SPON1: variants seen among roughly 807,000 people sequenced by gnomAD.
SPON1 encodes the protein spondin 1.
Under a neutral mutation model 111.7 loss-of-function variants are expected in SPON1, and 52 were observed. The observed-to-expected ratio is 0.47, with a 90% CI of 0.37 to 0.59. SPON1 has a LOEUF of 0.59. Among genes scored for constraint, SPON1 ranks in the 20% least tolerant of loss-of-function variants. The pLI is 0.00. For missense variants in SPON1, 957 were observed against 1,068.5 expected (o/e 0.90, Z 1.46); for synonymous variants, 410 against 395.8 (o/e 1.04, Z -0.43).
chr11:14,161,338 A>C (rs1413094050), intron 6 of SPON1, among the ~76,000 whole-genome samples: 1 of 113,514 alleles, frequency 8.8e-6, no homozygotes, highest in East Asian at 2.4e-4. Context: ...TATATATATA[A>C]GATGGAGTCT....
At chr11:14,074,845 A>G (rs1306807329) in intron 3 of SPON1, among the ~76,000 whole-genome samples, 1 of 152,230 alleles carries the variant, frequency 6.6e-6, no homozygotes, top group Non-Finnish European at 1.5e-5. Context: ...TGTAGGAGAC[A>G]GTTTTGTCTA....
At chr11:14,085,087 T>A (rs578115574) in intron 5 of SPON1, among the ~76,000 whole-genome samples, 1 of 152,330 alleles carries the variant, frequency 6.6e-6, no homozygotes, top group South Asian at 2.1e-4. Context: ...TCTCCCACTC[T>A]GTAGGTTGCC....
intron 5 of SPON1, among the ~76,000 whole-genome samples, chr11:14,106,680 G>GTA (rs1279285998): frequency 6.6e-6 from 1 of 152,160 alleles, no homozygotes; most frequent in African/African-American, 2.4e-5. Context: ...ACGACAAAGG[G>GTA]TATAGGAAAT....
At chr11:14,044,059 A>G (rs1848650943) in intron 3 of SPON1, among the ~76,000 whole-genome samples, 1 of 152,170 alleles carries the variant, frequency 6.6e-6, no homozygotes, top group Admixed American at 6.5e-5. Flanking sequence ...AACGACTCCC[A>G]TTTTACAGAG....
At chr11:14,050,665 A>AG (rs1455034396) in intron 3 of SPON1, among the ~76,000 whole-genome samples, 1 of 150,120 alleles carries the variant, frequency 6.7e-6, no homozygotes, top group Non-Finnish European at 1.5e-5. Flanking sequence ...TCAAGAGTGA[A>AG]GGGTGGGGGT....
chr11:13,996,735 C>A (rs1163390038), intron 2 of SPON1, among the ~76,000 whole-genome samples: 2 of 147,826 alleles, frequency 1.4e-5, no homozygotes, highest in African/African-American at 2.6e-5. Context: ...ACACACACAC[C>A]TATATATATA....
At chr11:14,060,800 A>G (rs1848785748) in intron 3 of SPON1, among the ~76,000 whole-genome samples, 1 of 152,236 alleles carries the variant, frequency 6.6e-6, no homozygotes, top group Non-Finnish European at 1.5e-5. Flanking sequence ...GGTTGGTGAT[A>G]AAACCAAGGC....
intron 6 of SPON1, among the ~76,000 whole-genome samples, chr11:14,195,837 T>C (rs1297092759): frequency 7.9e-5 from 12 of 152,138 alleles, no homozygotes; most frequent in African/African-American, 2.9e-4. Flanking sequence ...ATTGTCATGA[T>C]TAGCTATGTA....
At chr11:14,165,089 G>C (rs1393714611) in intron 6 of SPON1, among the ~76,000 whole-genome samples, 1 of 152,116 alleles carries the variant, frequency 6.6e-6, no homozygotes, top group African/African-American at 2.4e-5. Flanking sequence ...TAGTCCCCAG[G>C]CAAGAAGGAG....
At chr11:14,264,736 G>A (rs181420812) in intron 15 of SPON1, among the ~76,000 whole-genome samples, 7 of 152,306 alleles carry the variant, frequency 4.6e-5, no homozygotes, top group Non-Finnish European at 7.4e-5. Context: ...CATAAATGTG[G>A]TGGGTTCTAT....
rs1849078846 is a variant in SPON1, at chr11:14,093,933, C to G, written c.676+13912C>G. ...TGCAATAAAATACTTTGTACTTAGGCCAGGCATGGTGGTCACGCCTATGAT... is the reference window on the plus strand; with the variant it reads ...TGCAATAAAATACTTTGTACTTAGGGCAGGCATGGTGGTCACGCCTATGAT... On this transcript the variant is annotated intron_variant, in intron 5 of 15. Coordinates refer to ENST00000576479, the MANE Select transcript of SPON1 (RefSeq NM_006108.4). 2.0e-5 allele frequency among the ~76,000 whole-genome samples: 3 copies of G among 152,238 alleles called. No homozygotes were observed. In the South Asian group the frequency reaches 6.2e-4, roughly 32 times the overall value.
intron 3 of SPON1, among the ~76,000 whole-genome samples, chr11:14,051,834 CTAA>C: frequency 6.6e-6 from 1 of 152,172 alleles, no homozygotes; most frequent in South Asian, 2.1e-4. Context: ...AACCACTATG[CTAA>C]ATGCATTGCA....
At chr11:14,122,210 T>C (rs1219158095) in intron 5 of SPON1, among the ~76,000 whole-genome samples, 2 of 152,190 alleles carry the variant, frequency 1.3e-5, no homozygotes, top group Non-Finnish European at 2.9e-5. Context: ...AGTCTTGCTC[T>C]GTCGCCCAGG....
intron 5 of SPON1, among the ~76,000 whole-genome samples, chr11:14,129,276 C>G (rs1287867311): frequency 2.0e-5 from 3 of 152,144 alleles, no homozygotes; most frequent in Non-Finnish European, 2.9e-5. Flanking sequence ...TTTGTGAATG[C>G]ATATGACTAT....
intron 1 of SPON1, among the ~76,000 whole-genome samples, chr11:13,974,348 G>A (rs1182160518): frequency 6.6e-6 from 1 of 152,190 alleles, no homozygotes; most frequent in African/African-American, 2.4e-5. Context: ...ATGGAGCTGG[G>A]ACTCAGGGTC....
intron 1 of SPON1, among the ~76,000 whole-genome samples, chr11:13,975,565 T>G (rs984676699): frequency 6.6e-6 from 1 of 152,168 alleles, no homozygotes; most frequent in African/African-American, 2.4e-5. Context: ...CGTATGGAAC[T>G]GAAATTGGGT....
intron 5 of SPON1, among the ~76,000 whole-genome samples, chr11:14,084,351 A>G (rs1230967407): frequency 1.3e-5 from 2 of 152,046 alleles, no homozygotes; most frequent in Non-Finnish European, 2.9e-5. Flanking sequence ...CCCTGTGTCC[A>G]TGTGTTCTCA....
intron 5 of SPON1, among the ~76,000 whole-genome samples, chr11:14,091,014 C>T (rs7123121): frequency 0.47 from 70,931 of 151,350 alleles, 17,018 homozygotes; most frequent in South Asian, 0.66. Flanking sequence ...AGCAGCTAGA[C>T]ACAGCGTGTC....
At chr11:14,139,349 T>A (rs1311282768) in intron 6 of SPON1, among the ~76,000 whole-genome samples, 1 of 152,178 alleles carries the variant, frequency 6.6e-6, no homozygotes, top group African/African-American at 2.4e-5. Flanking sequence ...GATTCTGTAC[T>A]AAATTGATCT....
Sources: gnomAD v4.1 joint callset for allele counts (sites outside exome capture counted in the v4.1 genomes callset) on GRCh38, gnomAD v4.1.1 for gene constraint, MANE v1.5 for transcripts, NCBI Gene and HGNC (gene_info 2026-07-23, HGNC 2026-07-21) for gene names.